Variants in RGS7 observed in about 807,000 individuals in gnomAD.
RGS7 encodes regulator of G-protein signaling 7.
RGS7 carries 27 observed loss-of-function variants against 81.1 expected under a neutral mutation model. The observed-to-expected ratio is 0.33, with a 90% CI of 0.25 to 0.46. RGS7 has a LOEUF of 0.46. RGS7 is among the 20% of genes least tolerant of loss of function. The pLI, the probability that RGS7 is intolerant of heterozygous loss-of-function variation, is 1.00. For missense variants in RGS7, 396 were observed against 607.4 expected (o/e 0.65, Z 3.66); for synonymous variants, 208 against 207.7 (o/e 1.00, Z -0.01).
At chr1:241,211,341 C>A (rs1558193335) in intron 2 of RGS7, among the ~76,000 whole-genome samples, 1 of 152,128 alleles carries the variant, frequency 6.6e-6, no homozygotes, top group Non-Finnish European at 1.5e-5. Context: ...CAATATTAGT[C>A]AGATAAGAGT....
intron 9 of RGS7, among the ~76,000 whole-genome samples, chr1:240,862,925 A>ATG (rs150023240): frequency 0.076 from 11,003 of 144,542 alleles, 872 homozygotes; most frequent in African/African-American, 0.21. Flanking sequence ...TAAACTAAAT[A>ATG]TGTGTGTGTG....
intron 6 of RGS7, among the ~76,000 whole-genome samples, chr1:240,929,032 C>T (rs1259824707): frequency 6.6e-6 from 1 of 152,172 alleles, no homozygotes; most frequent in Non-Finnish European, 1.5e-5. Context: ...GTTTCCTTAG[C>T]TGTATTAATT....
At chr1:241,046,404 C>T (rs770230353) in intron 3 of RGS7, among the ~76,000 whole-genome samples, 13 of 151,418 alleles carry the variant, frequency 8.6e-5, no homozygotes, top group Non-Finnish European at 1.0e-4. Flanking sequence ...CCAAATACTA[C>T]ATGTTCTCAC....
At chr1:241,346,042 G>A (rs2082876668) in intron 2 of RGS7, among the ~76,000 whole-genome samples, 1 of 151,634 alleles carries the variant, frequency 6.6e-6, no homozygotes, top group Non-Finnish European at 1.5e-5. Flanking sequence ...ATACTTAAAT[G>A]TTTCTATTTT....
intron 3 of RGS7, among the ~76,000 whole-genome samples, chr1:241,002,324 A>C (rs1053904663): frequency 7.2e-5 from 11 of 151,962 alleles, no homozygotes; most frequent in Admixed American, 7.2e-4. Context: ...TTGGTGGCTC[A>C]TGCCTATAAT....
At chr1:241,139,281 T>A (rs893925487) in intron 2 of RGS7, among the ~76,000 whole-genome samples, 1 of 144,918 alleles carries the variant, frequency 6.9e-6, no homozygotes, top group Non-Finnish European at 1.5e-5. Context: ...TTCCTCCCCA[T>A]CTTTCCTTCC....
At chr1:241,127,235 T>C (rs1269895300) in intron 2 of RGS7, among the ~76,000 whole-genome samples, 2 of 152,158 alleles carry the variant, frequency 1.3e-5, no homozygotes, top group African/African-American at 2.4e-5. Flanking sequence ...CTTGAAATGT[T>C]TGGGCAATTT....
chr1:240,888,993 T>A (rs1047037958), intron 6 of RGS7, among the ~76,000 whole-genome samples: 2 of 152,272 alleles, frequency 1.3e-5, no homozygotes, highest in East Asian at 3.9e-4. Context: ...TCCCACTCTA[T>A]TGCCCAGGCT....
At chr1:240,858,279 T>C (rs944925912) in intron 9 of RGS7, among the ~76,000 whole-genome samples, 3 of 152,216 alleles carry the variant, frequency 2.0e-5, no homozygotes, top group African/African-American at 7.2e-5. Flanking sequence ...CTATATTGTA[T>C]AGTAACAATT....
chr1:240,868,567 A>G lies in RGS7; in HGVS notation c.609+20T>C, dbSNP rs145700505. 1.5e-5 allele frequency: 24 copies of G among 1,611,904 alleles called. No individual in the cohort carries two copies. In the East Asian group the frequency reaches 5.3e-4, roughly 36 times the overall value. The stretch of plus-strand genomic sequence containing the variant: ...AGACGGAGAAGATGGATTCAAGACG[A>G]GAGTGCGACGCTTGCTTACCACGGG... On this transcript the variant is annotated intron_variant, in intron 9 of 18. Coordinates refer to ENST00000440928, the MANE Select transcript of RGS7 (RefSeq NM_001364886.1). This position sits in a 1 kb window ranked among gnomAD's most constrained non-coding sequence, Gnocchi z 5.1.
At chr1:240,941,150 T>C (rs534520192) in intron 4 of RGS7, among the ~76,000 whole-genome samples, 76 of 152,338 alleles carry the variant, frequency 5.0e-4, no homozygotes, top group African/African-American at 1.8e-3. Context: ...CTGGTGGTGA[T>C]ACAGGTAAGA....
chr1:241,112,307 T>C (rs930075060), intron 2 of RGS7, among the ~76,000 whole-genome samples: 1 of 152,150 alleles, frequency 6.6e-6, no homozygotes, highest in African/African-American at 2.4e-5. Context: ...ATGGTCTTAG[T>C]AGAGTTCTTC....
intron 9 of RGS7, among the ~76,000 whole-genome samples, chr1:240,848,905 G>C (rs1298756657): frequency 6.6e-6 from 1 of 152,156 alleles, no homozygotes; most frequent in Non-Finnish European, 1.5e-5. Flanking sequence ...AGTAAAAGGT[G>C]TATTGGGATT....
intron 2 of RGS7, among the ~76,000 whole-genome samples, chr1:241,176,711 G>T (rs1191812027): frequency 1.3e-5 from 2 of 152,012 alleles, no homozygotes; most frequent in Non-Finnish European, 1.5e-5. Flanking sequence ...CCTTGGATAT[G>T]GCTGACTGTA....
intron 3 of RGS7, among the ~76,000 whole-genome samples, chr1:241,076,289 A>T (rs907566828): frequency 3.9e-5 from 6 of 152,086 alleles, no homozygotes; most frequent in Non-Finnish European, 1.5e-5. Context: ...TTCCCGGGTT[A>T]ACCCAGCCCT....
intron 2 of RGS7, among the ~76,000 whole-genome samples, chr1:241,217,544 C>A (rs2074641785): frequency 6.6e-6 from 1 of 152,114 alleles, no homozygotes. Flanking sequence ...TTTCAAAACA[C>A]CCCATAATAG....
intron 4 of RGS7, among the ~76,000 whole-genome samples, chr1:240,979,695 G>A (rs1684650813): frequency 6.6e-6 from 1 of 151,538 alleles, no homozygotes; most frequent in African/African-American, 2.4e-5. Flanking sequence ...GCGTGTAGAT[G>A]CAGAAAGGAG....
At position 241,308,573 on chromosome 1, in the gene RGS7, A is replaced by G. The variant is rs114246976; in HGVS notation, c.78+47126T>C. The stretch of plus-strand genomic sequence containing the variant: ...TGCCCAGCTGTGTGAATACTTCAGC[A>G]GGCTTGGGCTAGACAGCTGCTGAGT... On this transcript the variant is annotated intron_variant, in intron 2 of 18. Transcript: ENST00000440928. Among the ~76,000 whole-genome samples the G allele has an allele frequency of 1.3e-3, 199 of 152,318 alleles. 3 individuals are homozygous for G. The highest frequency in any genetic ancestry group is 4.5e-3 in the African/African-American group (186 of 41,564).
intron 2 of RGS7, among the ~76,000 whole-genome samples, chr1:241,119,707 T>C (rs57448211): frequency 0.093 from 14,206 of 152,224 alleles, 946 homozygotes; most frequent in East Asian, 0.22. Context: ...CCTTTTACTA[T>C]TGGAAAGCTC....
Sources: gnomAD v4.1 joint callset for allele counts (sites outside exome capture counted in the v4.1 genomes callset) on GRCh38, gnomAD v4.1.1 for gene constraint, Gnocchi (gnomAD v3.1) non-coding constraint, MANE v1.5 for transcripts, NCBI Gene and HGNC (gene_info 2026-07-23, HGNC 2026-07-21) for gene names.